MEIS2: variants seen among roughly 807,000 people sequenced by gnomAD.
MEIS2 encodes Meis homeobox 2, also known as homeobox protein Meis2.
MEIS2 carries 9 observed loss-of-function variants against 58.6 expected under a neutral mutation model. That is an observed-to-expected ratio of 0.15 (90% CI 0.09 to 0.27). MEIS2 has a LOEUF of 0.27. Ranked by LOEUF, MEIS2 falls within the 10% of genes least tolerant of loss-of-function variation. The pLI is 1.00. For synonymous variants in MEIS2, 221 were observed against 228.4 expected (o/e 0.97, Z 0.29); for missense variants, 427 against 635.0 (o/e 0.67, Z 3.52).
intron 8 of MEIS2, among the ~76,000 whole-genome samples, chr15:37,017,763 T>C (rs929249788): frequency 6.6e-6 from 1 of 152,196 alleles, no homozygotes; most frequent in Non-Finnish European, 1.5e-5. Context: ...CTAGCAACAG[T>C]ACAAGTCCTC....
intron 8 of MEIS2, among the ~76,000 whole-genome samples, chr15:36,995,746 G>GA (rs11418165): frequency 0.45 from 7,513 of 16,848 alleles, 1,846 homozygotes; most frequent in Non-Finnish European, 0.52. Context: ...GAAAAGAAAA[G>GA]AAAGAAAGAA....
chr15:36,892,334 T>A lies in MEIS2; in HGVS notation c.1273A>T (p.Met425Leu). 1 of 1,613,876 alleles carries A rather than the reference T, an allele frequency of 6.2e-7. No homozygotes were observed. The highest frequency in any genetic ancestry group is 8.5e-7 in the Non-Finnish European group (1 of 1,179,940). ...HPTQLRHGPP[M>L]HSYLPSHPHH... ...GGATGGCTTGGCAAATATGAATGCATTGGGGGTCCATGTCTTAATTGAGTA... is the reference window on the plus strand; with the variant it reads ...GGATGGCTTGGCAAATATGAATGCAATGGGGGTCCATGTCTTAATTGAGTA... The change falls in exon 12 of 12, where the codon ATG becomes TTG. Residue 425 changes from methionine (M) to leucine (L), a missense_variant. Met to Leu is a conservative substitution (Grantham distance 15, BLOSUM62 2). Around this residue, in one of 6 missense-constraint regions of MEIS2, gnomAD observed 154 missense variants for 148.1 expected, o/e 1.04. Transcript: ENST00000561208.
rs572578037 is a variant in MEIS2, at chr15:37,006,815, T to G, written c.900+29999A>C. Among the ~76,000 whole-genome samples the G allele has an allele frequency of 2.6e-5, 4 of 152,366 alleles. No homozygotes were observed. The South Asian group carries it at 8.3e-4, about 32-fold the overall frequency. On this transcript the variant is annotated intron_variant, in intron 8 of 11. Coordinates refer to ENST00000561208, the MANE Select transcript of MEIS2 (RefSeq NM_170675.5). ...GGCTAAGTTTTTAAAGCCATTCTGT[T>G]GTAGCTTCATGAAAACATGTACTGC...
chr15:37,043,765 G>A (rs571168703), intron 7 of MEIS2, among the ~76,000 whole-genome samples: 19 of 136,074 alleles, frequency 1.4e-4, no homozygotes, highest in African/African-American at 4.5e-4. Context: ...TTGGCTCACC[G>A]CAACCTCCAC....
At chr15:36,903,990 A>G (rs954583047) in intron 9 of MEIS2, 2 of 152,234 alleles carry the variant, frequency 1.3e-5, no homozygotes, top group Non-Finnish European at 2.9e-5. Context: ...TCTGCTCAGA[A>G]GAAGATGTAG....
At chr15:37,042,003 C>T (rs1052041232) in intron 7 of MEIS2, among the ~76,000 whole-genome samples, 1 of 151,764 alleles carries the variant, frequency 6.6e-6, no homozygotes, top group Admixed American at 6.6e-5. Flanking sequence ...ATAGTGAGAC[C>T]CTCTCTCTAC....
chr15:37,041,728 T>C (rs1389857879), intron 7 of MEIS2, among the ~76,000 whole-genome samples: 3 of 152,146 alleles, frequency 2.0e-5, no homozygotes, highest in African/African-American at 7.2e-5. Context: ...AAATTCTAGT[T>C]CTAGAATTGA....
At chr15:37,004,127 T>A (rs2060834145) in intron 8 of MEIS2, among the ~76,000 whole-genome samples, 1 of 152,210 alleles carries the variant, frequency 6.6e-6, no homozygotes, top group Non-Finnish European at 1.5e-5. Context: ...ACTGGATGAC[T>A]TTAATTGTTG....
intron 2 of MEIS2, chr15:37,097,372 T>TC (rs1283861885): frequency 6.6e-6 from 1 of 152,212 alleles, no homozygotes; most frequent in Non-Finnish European, 1.5e-5. Context: ...TCTTCCTTAC[T>TC]CCCCCTAAGA....
intron 8 of MEIS2, among the ~76,000 whole-genome samples, chr15:36,971,119 G>A (rs1380339386): frequency 1.3e-5 from 2 of 152,042 alleles, no homozygotes; most frequent in Non-Finnish European, 1.5e-5. Flanking sequence ...GGTGGGGGAT[G>A]TAAAGTCGAT....
At chr15:37,049,987 A>G (rs1311560979) in intron 7 of MEIS2, among the ~76,000 whole-genome samples, 2 of 152,172 alleles carry the variant, frequency 1.3e-5, no homozygotes, top group African/African-American at 4.8e-5. Flanking sequence ...AAAATTTGCA[A>G]TAGATATTAT....
intron 9 of MEIS2, among the ~76,000 whole-genome samples, chr15:36,900,187 C>A (rs2056394771): frequency 1.3e-5 from 2 of 152,172 alleles, no homozygotes; most frequent in African/African-American, 4.8e-5. Context: ...AAAAAACATT[C>A]TGAGTTTTTT....
chr15:37,034,302 C>T (rs945618385), intron 8 of MEIS2, among the ~76,000 whole-genome samples: 4 of 152,164 alleles, frequency 2.6e-5, no homozygotes, highest in Admixed American at 6.5e-5. Flanking sequence ...ATGGACTTAA[C>T]TGAGGTTCAG....
chr15:37,011,755 G>C (rs2061167801), intron 8 of MEIS2, among the ~76,000 whole-genome samples: 1 of 151,514 alleles, frequency 6.6e-6, no homozygotes, highest in South Asian at 2.1e-4. Flanking sequence ...GAGTAGCTGG[G>C]ATTACAGGCG....
rs924295798 is a variant in MEIS2 at position 36,992,068 on chromosome 15, G to A, written c.901-41668C>T. On this transcript the variant is annotated intron_variant, in intron 8 of 11. Transcript: ENST00000561208. ...TCCCAAAGTGCTGGGATTACAGGCG[G>A]TGAGCCACCGCGCCCGGCCTAAAGT... is the stretch of plus-strand genomic sequence containing the variant. 9.4e-3 allele frequency among the ~76,000 whole-genome samples: 442 copies of A among 46,938 alleles called. 3 individuals are homozygous for A. Among genetic ancestry groups the A allele is most frequent in the African/African-American group, 0.018 (421 of 23,982 alleles). The allele number at this position is 46,938 out of a possible 152,430, so 30.8% of individuals were successfully genotyped here.
intron 9 of MEIS2, among the ~76,000 whole-genome samples, chr15:36,935,584 C>A (rs561605760): frequency 6.6e-6 from 1 of 152,042 alleles, no homozygotes; most frequent in Non-Finnish European, 1.5e-5. Context: ...TATAAAGTTA[C>A]GTAGAAAAGA....
At chr15:37,085,861 A>T (rs1246339463) in intron 6 of MEIS2, among the ~76,000 whole-genome samples, 1 of 152,222 alleles carries the variant, frequency 6.6e-6, no homozygotes, top group African/African-American at 2.4e-5. Flanking sequence ...AACAGAATAC[A>T]GGGGCTCCTC....
At chr15:36,905,199 C>G (rs1408180694) in intron 9 of MEIS2, among the ~76,000 whole-genome samples, 1 of 150,972 alleles carries the variant, frequency 6.6e-6, no homozygotes, top group Admixed American at 6.6e-5. Context: ...TACATACAGA[C>G]AGAGTTACCA....
intron 8 of MEIS2, among the ~76,000 whole-genome samples, chr15:36,998,395 A>G (rs2060605593): frequency 6.6e-6 from 1 of 151,328 alleles, no homozygotes; most frequent in Non-Finnish European, 1.5e-5. Flanking sequence ...TAATTCTTTT[A>G]CTTTTTGTAG....
Sources: gnomAD v4.1 joint callset for allele counts (sites outside exome capture counted in the v4.1 genomes callset) on GRCh38, gnomAD v4.1.1 for gene constraint, gnomAD v4.1.1 regional missense constraint, MANE v1.5 for transcripts, NCBI Gene and HGNC (gene_info 2026-07-23, HGNC 2026-07-21) for gene names.